Variants in NUP188 observed in about 807,000 individuals in gnomAD.
NUP188 encodes the protein nucleoporin 188.
Under a neutral mutation model 223.0 loss-of-function variants are expected in NUP188, and 97 were observed. That is an observed-to-expected ratio of 0.43 (90% CI 0.37 to 0.51). The LOEUF (loss-of-function observed/expected upper bound fraction) is 0.51. NUP188 is among the 20% of genes least tolerant of loss of function. The pLI is 0.00. For missense variants in NUP188, 1,947 were observed against 2,175.6 expected (o/e 0.89, Z 2.09); for synonymous variants, 869 against 828.0 (o/e 1.05, Z -0.85).
rs905993371 is a variant in NUP188, at chr9:129,006,853, A to C, written c.*175A>C. On this transcript the variant is annotated 3_prime_UTR_variant, in exon 44 of 44. Coordinates refer to ENST00000372577, the MANE Select transcript of NUP188 (RefSeq NM_015354.3). ...CTGACGTTATTTTTATACTAGATGA[A>C]GAGGTCAACAGCAGGCATGGGGAGC... 1.7e-4 allele frequency: 99 copies of C among 588,720 alleles called. No individual in the cohort carries two copies. The African/African-American group carries it at 1.7e-3, about 10-fold the overall frequency. The allele number at this position is 588,720 out of a possible 1,614,324, so 36.5% of individuals were successfully genotyped here.
chr9:128,987,898 ACTC>A, intron 23 of NUP188, 146 bp from the exon 24 acceptor site: 1 of 1,136,362 alleles, frequency 8.8e-7, no homozygotes, highest in South Asian at 1.5e-5. Flanking sequence ...GGAGTTGATT[ACTC>A]CTCCTCTCTC....
At chr9:128,990,089 G>A (rs1258869775) in intron 24 of NUP188, 31 bp from the exon 25 acceptor site, 1 of 1,509,596 alleles carries the variant, frequency 6.6e-7, no homozygotes, top group Admixed American at 1.7e-5. Context: ...AGGCACACTT[G>A]ATATCTAAAC....
rs1037116477 is a variant in NUP188, at chr9:128,958,089, A to C, written c.372+35A>C. The stretch of plus-strand genomic sequence containing the variant: ...AGTCACCATTTCTATTCTTTGATGT[A>C]AAATTGAGTGACAGCTTCTTGACCT... On this transcript the variant is annotated intron_variant, in intron 6 of 43. Transcript: ENST00000372577. 10 of 1,561,594 alleles carry C rather than the reference A, an allele frequency of 6.4e-6. No individual in the cohort carries two copies. In the Admixed American group the frequency reaches 6.8e-5, roughly 11 times the overall value.
chr9:128,955,032 G>A (rs1242247022), intron 3 of NUP188, among the ~76,000 whole-genome samples: 1 of 151,732 alleles, frequency 6.6e-6, no homozygotes, highest in Non-Finnish European at 1.5e-5. Flanking sequence ...TGTATTTTTA[G>A]TAGAGACAGG....
chr9:128,975,783 G>T (rs1004900340), intron 12 of NUP188, among the ~76,000 whole-genome samples: 1 of 151,854 alleles, frequency 6.6e-6, no homozygotes, highest in Non-Finnish European at 1.5e-5. Context: ...CTCCCAAAGT[G>T]CTGGGATTAC....
chr9:128,949,919 CTTTTTTTTT>C (rs35705253), intron 2 of NUP188, among the ~76,000 whole-genome samples: 1 of 81,234 alleles, frequency 1.2e-5, no homozygotes, highest in Non-Finnish European at 2.2e-5. Flanking sequence ...GTGACGGCCA[CTTTTTTTTT>C]TTTTTTTTTT....
At chr9:128,956,217 G>A in intron 3 of NUP188, 133 bp from the exon 4 acceptor site, 1 of 506,074 alleles carries the variant, frequency 2.0e-6, no homozygotes, top group Non-Finnish European at 3.5e-6. Flanking sequence ...GTGTGCGTGT[G>A]TGTGTTTGTG....
rs146939060 is a variant in NUP188 at position 128,984,903 on chromosome 9, G to A, written c.1965G>A (p.Ala655=). The change falls in exon 20 of 44, where the codon GCG becomes GCA. Residue 655 remains alanine (A), a synonymous_variant. Coordinates refer to ENST00000372577, the MANE Select transcript of NUP188 (RefSeq NM_015354.3). ...PVSSLSQMIS[A]EGMNAGGYGN... ...TTCCCTCTACTTCTTTTTCCAGTGC[G>A]GAAGGGATGAATGCTGGAGGGTACG... The A allele has an allele frequency of 3.4e-5, 54 of 1,604,434 alleles. 1 individual carries two copies. Among genetic ancestry groups the A allele is most frequent in the African/African-American group, 5.4e-5 (4 of 74,480 alleles).
Position 128,956,574 on chromosome 9 carries a change from C to T in NUP188, c.246+140C>T, listed in dbSNP as rs923788544. 4 of 558,868 alleles carry T rather than the reference C, an allele frequency of 7.2e-6. No individual in the cohort carries two copies. The Admixed American group carries it at 1.5e-4, about 20-fold the overall frequency. The allele number at this position is 558,868 out of a possible 1,614,324, so 34.6% of individuals were successfully genotyped here. A position where few individuals can be genotyped will look rare whatever the true frequency, so the allele number is the denominator to read the frequency against. On this transcript the variant is annotated intron_variant, in intron 4 of 43. Transcript: ENST00000372577. ...TATAAATACCCAGGTTGCAACTCTT[C>T]TCCCTAAAAGTTACAAGTCAAAGTT...
At position 129,006,844 on chromosome 9, in the gene NUP188, A is replaced by G; in HGVS notation, c.*166A>G. Reference sequence around the variant, plus strand: ...CACCACCCACTGACGTTATTTTTATACTAGATGAAGAGGTCAACAGCAGGC... The same window carrying G: ...CACCACCCACTGACGTTATTTTTATGCTAGATGAAGAGGTCAACAGCAGGC... On this transcript the variant is annotated 3_prime_UTR_variant, in exon 44 of 44. Coordinates refer to ENST00000372577, the MANE Select transcript of NUP188 (RefSeq NM_015354.3). 4.6e-6 allele frequency: 3 copies of G among 647,436 alleles called. No homozygotes were observed. Among genetic ancestry groups the G allele is most frequent in the South Asian group, 4.7e-5 (2 of 42,118 alleles). The allele number at this position is 647,436 out of a possible 1,614,324, so 40.1% of individuals were successfully genotyped here.
chr9:128,952,423 A>G (rs948148266), intron 2 of NUP188, among the ~76,000 whole-genome samples: 3 of 148,922 alleles, frequency 2.0e-5, no homozygotes, highest in Non-Finnish European at 4.5e-5. Context: ...AAAAGAAAGC[A>G]CAAAAAACTG....
At position 128,969,357 on chromosome 9, in the gene NUP188, C is replaced by T. The variant is rs536741054; in HGVS notation, c.798-43C>T. 6.9e-5 allele frequency: 87 copies of T among 1,253,108 alleles called. No homozygotes were observed. In the South Asian group the frequency reaches 1.0e-3, roughly 15 times the overall value. The allele number at this position is 1,253,108 out of a possible 1,614,324, so 77.6% of individuals were successfully genotyped here. ...TCTCACCTTTGTCTCTAGTGAGTTT[C>T]AGAACGGGATATATAACATGGTGAT... On this transcript the variant is annotated intron_variant, in intron 9 of 43. Transcript: ENST00000372577.
At chr9:128,976,906 G>T (rs987703144) in intron 12 of NUP188, among the ~76,000 whole-genome samples, 40 of 151,878 alleles carry the variant, frequency 2.6e-4, no homozygotes, top group African/African-American at 9.0e-4. Flanking sequence ...ATGAAGCCCT[G>T]TCTCTACCAA....
chr9:128,976,453 C>T (rs10988166), intron 12 of NUP188, among the ~76,000 whole-genome samples: 1 of 152,038 alleles, frequency 6.6e-6, no homozygotes, highest in African/African-American at 2.4e-5. Flanking sequence ...GGCAGATCAT[C>T]TGAGGTCAGG....
chr9:129,006,460 C>A (rs748463859), intron 43 of NUP188, 42 bp from the exon 44 acceptor site: 1 of 1,611,750 alleles, frequency 6.2e-7, no homozygotes, highest in Non-Finnish European at 8.5e-7. Flanking sequence ...AGAACAGTAG[C>A]CAGATGTGCT....
intron 15 of NUP188, among the ~76,000 whole-genome samples, chr9:128,981,667 A>AC (rs927847174): frequency 3.3e-5 from 5 of 152,138 alleles, no homozygotes; most frequent in African/African-American, 1.2e-4. Context: ...TGGCATCATC[A>AC]CCACTGACTT....
intron 8 of NUP188, among the ~76,000 whole-genome samples, chr9:128,966,859 C>G (rs575879216): frequency 1.3e-5 from 2 of 152,218 alleles, no homozygotes; most frequent in East Asian, 3.9e-4. Context: ...AAATGCTCAT[C>G]CATCCAAGTG....
intron 11 of NUP188, among the ~76,000 whole-genome samples, chr9:128,971,573 A>G (rs912802055): frequency 6.7e-6 from 1 of 148,978 alleles, no homozygotes; most frequent in Non-Finnish European, 1.5e-5. Flanking sequence ...TGCCTGCCAC[A>G]ACGCCTAGCT....
chr9:128,995,212 C>CT, intron 29 of NUP188, 107 bp from the exon 30 acceptor site: 1 of 868,888 alleles, frequency 1.2e-6, no homozygotes, highest in Admixed American at 2.0e-5. Context: ...AGCCGTCTGC[C>CT]TTTAAGCCCA....
Sources: gnomAD v4.1 joint callset for allele counts (sites outside exome capture counted in the v4.1 genomes callset) on GRCh38, gnomAD v4.1.1 for gene constraint, MANE v1.5 for transcripts, NCBI Gene and HGNC (gene_info 2026-07-23, HGNC 2026-07-21) for gene names.